Variants in DNMBP observed in about 807,000 individuals in gnomAD.
DNMBP encodes the protein dynamin binding protein.
A neutral mutation model predicts 150.0 loss-of-function variants in DNMBP; 87 were observed. That is an observed-to-expected ratio of 0.58 (90% CI 0.49 to 0.69). The LOEUF is 0.69. DNMBP is among the 30% of genes least tolerant of loss of function. The pLI, the probability that DNMBP is intolerant of heterozygous loss-of-function variation, is 0.00. For missense variants in DNMBP, 1,774 were observed against 1,949.0 expected (o/e 0.91, Z 1.69); for synonymous variants, 711 against 750.4 (o/e 0.95, Z 0.86).
At chr10:99,975,643 A>G (rs994356009) in intron 1 of DNMBP, among the ~76,000 whole-genome samples, 3 of 152,148 alleles carry the variant, frequency 2.0e-5, no homozygotes, top group African/African-American at 7.2e-5. Flanking sequence ...TTCTCTAAGT[A>G]TTACCAAAAA....
intron 15 of DNMBP, among the ~76,000 whole-genome samples, chr10:99,882,366 T>C (rs933348601): frequency 2.0e-5 from 3 of 152,188 alleles, no homozygotes; most frequent in African/African-American, 7.2e-5. Flanking sequence ...TTCTGAATGA[T>C]ATCTCTGCAA....
chr10:99,896,478 CG>C, intron 9 of DNMBP, 81 bp from the exon 10 acceptor site: 1 of 1,371,212 alleles, frequency 7.3e-7, no homozygotes, highest in South Asian at 1.2e-5. Flanking sequence ...AACACCCAAA[CG>C]GGAGCTAGTC....
In DNMBP at chr10:99,898,726, G is replaced by A; in HGVS notation, c.2720+17C>T. The stretch of plus-strand genomic sequence containing the variant: ...CAGAAGAAATGAGCGCATACATCAA[G>A]CAGCAATGGAACTTACCATTCGTTG... On this transcript the variant is annotated intron_variant, in intron 8 of 16. Coordinates refer to ENST00000324109, the MANE Select transcript of DNMBP (RefSeq NM_015221.4). 6.2e-7 allele frequency: 1 copy of A among 1,613,416 alleles called. No individual in the cohort carries two copies. The highest frequency in any genetic ancestry group is 8.5e-7 in the Non-Finnish European group (1 of 1,179,518).
At chr10:99,879,202 C>T (rs562631878) in intron 16 of DNMBP, among the ~76,000 whole-genome samples, 232 of 152,114 alleles carry the variant, frequency 1.5e-3, no homozygotes, top group African/African-American at 5.5e-3. Context: ...CAATGGCTCA[C>T]GCCTGTAATC....
chr10:99,971,964 T>G lies in DNMBP; in HGVS notation c.145+16A>C. 6.2e-7 allele frequency: 1 copy of G among 1,610,130 alleles called. No individual in the cohort carries two copies. Among genetic ancestry groups the G allele is most frequent in the East Asian group, 2.2e-5 (1 of 44,800 alleles). On this transcript the variant is annotated intron_variant, in intron 2 of 16. Coordinates refer to ENST00000324109, the MANE Select transcript of DNMBP (RefSeq NM_015221.4). ...AGAAGTCAGGGCCTGTGGTCCACTA[T>G]GAGTCTCTTACTTACCTGTAACATC... is the stretch of plus-strand genomic sequence containing the variant.
chr10:99,881,142 C>A (rs1330314132), intron 15 of DNMBP, among the ~76,000 whole-genome samples: 1 of 152,048 alleles, frequency 6.6e-6, no homozygotes, highest in Non-Finnish European at 1.5e-5. Context: ...GCAGGAGAAT[C>A]GCTTGAACCC....
intron 3 of DNMBP, among the ~76,000 whole-genome samples, chr10:99,967,700 G>GT (rs1564749488): frequency 1.3e-3 from 148 of 114,666 alleles, no homozygotes; most frequent in East Asian, 4.5e-3. Context: ...TGTGTGTGTG[G>GT]GTATGTGTGT....
At chr10:99,928,525 C>T (rs946681948) in intron 4 of DNMBP, among the ~76,000 whole-genome samples, 1 of 152,088 alleles carries the variant, frequency 6.6e-6, no homozygotes, top group South Asian at 2.1e-4. Context: ...ACAGAGAGTT[C>T]AGTAATTATA....
intron 4 of DNMBP, among the ~76,000 whole-genome samples, chr10:99,918,828 C>T (rs868793419): frequency 6.6e-6 from 1 of 152,130 alleles, no homozygotes; most frequent in South Asian, 2.1e-4. Context: ...ACTCAAACAC[C>T]ATTTCTGAAC....
intron 6 of DNMBP, among the ~76,000 whole-genome samples, chr10:99,903,909 G>A (rs2039783254): frequency 6.6e-6 from 1 of 151,156 alleles, no homozygotes; most frequent in African/African-American, 2.4e-5. Context: ...CTGTTTTGAT[G>A]AAATAGAATG....
intron 2 of DNMBP, among the ~76,000 whole-genome samples, chr10:99,970,571 T>C (rs2040663202): frequency 6.6e-6 from 1 of 151,986 alleles, no homozygotes; most frequent in Admixed American, 6.6e-5. Flanking sequence ...GCCTTTTGCC[T>C]AAGATCAAGT....
chr10:99,970,678 T>C (rs972159052), intron 2 of DNMBP, among the ~76,000 whole-genome samples: 1 of 152,006 alleles, frequency 6.6e-6, no homozygotes, highest in Admixed American at 6.6e-5. Flanking sequence ...AAGCTGGTTA[T>C]GAAAAGCAGT....
chr10:100,008,815 AT>A (rs2041102287), intron 1 of DNMBP, among the ~76,000 whole-genome samples: 1 of 152,172 alleles, frequency 6.6e-6, no homozygotes, highest in Non-Finnish European at 1.5e-5. Flanking sequence ...CAACTGAGAA[AT>A]GATCCCCGAA....
chr10:99,965,297 T>C (rs1158209057), intron 3 of DNMBP, among the ~76,000 whole-genome samples: 2 of 152,140 alleles, frequency 1.3e-5, no homozygotes, highest in Non-Finnish European at 1.5e-5. Flanking sequence ...AGTGGTGGAC[T>C]TGGATTTAAA....
intron 14 of DNMBP, 130 bp from the exon 15 acceptor site, chr10:99,884,339 G>A: frequency 1.2e-6 from 1 of 810,394 alleles, no homozygotes; most frequent in Non-Finnish European, 1.9e-6. Context: ...ACTCCCATCA[G>A]ATGTTTTTGT....
chr10:99,913,063 G>A (rs1294369475), intron 4 of DNMBP, among the ~76,000 whole-genome samples: 1 of 152,134 alleles, frequency 6.6e-6, no homozygotes, highest in Non-Finnish European at 1.5e-5. Flanking sequence ...GGGAGTCTGA[G>A]GTGGGAAGAC....
chr10:99,948,480 G>T (rs2040383719), intron 4 of DNMBP, among the ~76,000 whole-genome samples: 1 of 152,054 alleles, frequency 6.6e-6, no homozygotes, highest in African/African-American at 2.4e-5. Context: ...TAGAGTTCAG[G>T]TGTCTTCACC....
At chr10:99,912,845 CACAGGTG>C (rs1564729406) in intron 4 of DNMBP, among the ~76,000 whole-genome samples, 1 of 152,174 alleles carries the variant, frequency 6.6e-6, no homozygotes, top group Non-Finnish European at 1.5e-5. Context: ...TTTCTGAAGA[CACAGGTG>C]ACCTTCAGGT....
intron 11 of DNMBP, among the ~76,000 whole-genome samples, chr10:99,893,750 G>A (rs951749864): frequency 6.6e-6 from 1 of 152,094 alleles, no homozygotes; most frequent in African/African-American, 2.4e-5. Flanking sequence ...ATGGGCCTCT[G>A]TGTGTATGGC....
Sources: gnomAD v4.1 joint callset for allele counts (sites outside exome capture counted in the v4.1 genomes callset) on GRCh38, gnomAD v4.1.1 for gene constraint, MANE v1.5 for transcripts, NCBI Gene and HGNC (gene_info 2026-07-23, HGNC 2026-07-21) for gene names.